Variants in MRC2 observed in about 807,000 individuals in gnomAD.
The protein encoded by MRC2 is mannose receptor C-type 2.
Under a neutral mutation model 206.2 loss-of-function variants are expected in MRC2, and 84 were observed. That is an observed-to-expected ratio of 0.41 (90% CI 0.34 to 0.49). MRC2 has a LOEUF of 0.49. MRC2 is among the 20% of genes least tolerant of loss of function. MRC2 has a pLI of 0.31. For synonymous variants in MRC2, 798 were observed against 800.0 expected, an observed-to-expected ratio of 1.00 and a Z score of 0.04; for missense variants, 1,676 against 2,001.5, an observed-to-expected ratio of 0.84 and a Z score of 3.10.
Position 62,667,352 on chromosome 17 carries a change from C to G in MRC2, c.974-38C>G. 1 of 1,552,744 alleles carries G rather than the reference C, an allele frequency of 6.4e-7. No homozygotes were observed. Among genetic ancestry groups the G allele is most frequent in the Non-Finnish European group, 8.7e-7 (1 of 1,150,920 alleles). ...GCCCCGGGAGCCACGGTGTGAGCTT[C>G]TCTCTCCGGGGGTGCTGGCGCCCTG... On this transcript the variant is annotated intron_variant, in intron 5 of 29. Transcript: ENST00000303375. The surrounding 1 kb of genome is among the most constrained non-coding windows in gnomAD (Gnocchi z 4.1).
intron 1 of MRC2, among the ~76,000 whole-genome samples, chr17:62,638,522 G>A (rs533341379): frequency 2.0e-5 from 3 of 151,414 alleles, no homozygotes; most frequent in East Asian, 2.0e-4. Context: ...GGCGGATCAC[G>A]AGGTCAGGAG....
chr17:62,629,302 C>T (rs1341671911), intron 1 of MRC2, among the ~76,000 whole-genome samples: 2 of 152,200 alleles, frequency 1.3e-5, no homozygotes, highest in East Asian at 3.8e-4. Flanking sequence ...TAAAGCCAGG[C>T]CCTGGGAGAG....
At chr17:62,654,572 T>G (rs1262451535) in intron 1 of MRC2, among the ~76,000 whole-genome samples, 1 of 151,900 alleles carries the variant, frequency 6.6e-6, no homozygotes, top group Non-Finnish European at 1.5e-5. Flanking sequence ...ATGGGCTGAG[T>G]CCGGGGAAAC....
rs372126711 is a variant in MRC2 at position 62,666,573 on chromosome 17, G to C, written c.813G>C (p.Ala271=). Residue 271 remains alanine (A), a synonymous_variant, in exon 4 of 30, where the codon GCG becomes GCC. Coordinates refer to ENST00000303375, the MANE Select transcript of MRC2 (RefSeq NM_006039.5). The surrounding 1 kb of genome is among the most constrained non-coding windows in gnomAD (Gnocchi z 5.0). ...GGGCCAGCTGCGAGCAGCAGGGTGC[G>C]GATCTGCTGAGCATCACGGAGATCC... is the stretch of plus-strand genomic sequence containing the variant. ...EAWASCEQQG[A]DLLSITEIHE... is the part of the protein sequence containing the mutation. The C allele has an allele frequency of 3.7e-6, 6 of 1,609,702 alleles. No homozygotes were observed. Among genetic ancestry groups the C allele is most frequent in the Non-Finnish European group, 4.2e-6 (5 of 1,178,288 alleles).
chr17:62,665,407 C>G (rs1229002047), intron 2 of MRC2, among the ~76,000 whole-genome samples: 1 of 143,628 alleles, frequency 7.0e-6, no homozygotes, highest in Non-Finnish European at 1.5e-5. Context: ...TCTGTCCCCC[C>G]CCCCACAAAA....
Position 62,688,670 on chromosome 17 carries a change from G to A in MRC2, c.3225+6G>A. The stretch of plus-strand genomic sequence containing the variant: ...CTCCCAGTGGCAACAAACCGGTGAG[G>A]ATGCCCTCCCTGTTCCCCTCCGCAC... On this transcript the variant is annotated splice_donor_region_variant and intron_variant, in intron 22 of 29. Coordinates refer to ENST00000303375, the MANE Select transcript of MRC2 (RefSeq NM_006039.5). The A allele has an allele frequency of 6.2e-7, 1 of 1,613,280 alleles. No homozygotes were observed. The highest frequency in any genetic ancestry group is 1.3e-5 in the African/African-American group (1 of 75,070).
At chr17:62,665,347 G>A (rs1418621951) in intron 2 of MRC2, among the ~76,000 whole-genome samples, 1 of 150,798 alleles carries the variant, frequency 6.6e-6, no homozygotes, top group African/African-American at 2.4e-5. Context: ...AGGTTGCACT[G>A]AGCTGAGATT....
At chr17:62,676,231 A>G (rs561217448) in intron 10 of MRC2, 152 bp from the exon 11 acceptor site, 2 of 912,004 alleles carry the variant, frequency 2.2e-6, no homozygotes, top group Admixed American at 5.7e-5. Context: ...GGGGTTCCAT[A>G]AATCAGCTGC....
intron 13 of MRC2, 90 bp from the exon 14 acceptor site, chr17:62,679,710 G>GTCAC: frequency 7.8e-7 from 1 of 1,284,146 alleles, no homozygotes; most frequent in Non-Finnish European, 1.1e-6. Flanking sequence ...GGCTGCCCCG[G>GTCAC]TCACAGCTGC....
Position 62,692,483 on chromosome 17 carries a change from G to A in MRC2, c.*32G>A, listed in dbSNP as rs759726470. The A allele has an allele frequency of 6.5e-6, 10 of 1,528,198 alleles. No individual in the cohort carries two copies. The highest frequency in any genetic ancestry group is 8.8e-6 in the Non-Finnish European group (10 of 1,130,942). The allele number at this position is 1,528,198 out of a possible 1,614,324, so 94.7% of individuals were successfully genotyped here. A position where few individuals can be genotyped will look rare whatever the true frequency, so the allele number is the denominator to read the frequency against. ...GCGCGTGGGCAGGGCCAGGGCGGGA[G>A]GAGCTGGGGAGCTGGGGCCCTGGGT... On this transcript the variant is annotated 3_prime_UTR_variant, in exon 30 of 30. Coordinates refer to ENST00000303375, the MANE Select transcript of MRC2 (RefSeq NM_006039.5). The surrounding 1 kb of genome is among the most constrained non-coding windows in gnomAD (Gnocchi z 4.2).
chr17:62,656,065 T>C (rs536465626), intron 1 of MRC2, among the ~76,000 whole-genome samples: 1 of 152,144 alleles, frequency 6.6e-6, no homozygotes, highest in Non-Finnish European at 1.5e-5. Context: ...AATTTTTTTT[T>C]GAGATGGAAC....
intron 22 of MRC2, 48 bp downstream of exon 22, chr17:62,688,712 T>C: frequency 6.2e-7 from 1 of 1,601,038 alleles, no homozygotes; most frequent in Non-Finnish European, 8.5e-7. Flanking sequence ...GCCCTAAGCC[T>C]GTGGGGCTGC....
In MRC2 at chr17:62,676,372, G is replaced by C; in HGVS notation, c.1686-11G>C. The C allele has an allele frequency of 6.2e-7, 1 of 1,613,614 alleles. No individual in the cohort carries two copies. The highest frequency in any genetic ancestry group is 8.5e-7 in the Non-Finnish European group (1 of 1,179,886). On this transcript the variant is annotated splice_polypyrimidine_tract_variant and intron_variant, in intron 10 of 29. Transcript: ENST00000303375. Reference sequence around the variant, plus strand: ...GGGAGATCCCTGCCCTGACCAGCCTGTCTCCTGAAGGTTCGAGCAGGCCTT... The same window carrying C: ...GGGAGATCCCTGCCCTGACCAGCCTCTCTCCTGAAGGTTCGAGCAGGCCTT...
intron 1 of MRC2, among the ~76,000 whole-genome samples, chr17:62,637,129 G>A (rs2465419): frequency 0.67 from 101,760 of 151,590 alleles, 34,278 homozygotes; most frequent in East Asian, 0.81. Context: ...TTGGGAGGCC[G>A]AGGCAGGCGG....
At chr17:62,655,735 A>AAAG (rs1555676860) in intron 1 of MRC2, among the ~76,000 whole-genome samples, 10 of 151,922 alleles carry the variant, frequency 6.6e-5, no homozygotes, top group African/African-American at 2.4e-4. Context: ...AAAAAAAAAA[A>AAAG]AAAGAAAAAG....
At chr17:62,689,789 C>T in intron 24 of MRC2, 29 bp downstream of exon 24, 3 of 1,530,848 alleles carry the variant, frequency 2.0e-6, no homozygotes, top group Non-Finnish European at 2.6e-6. Context: ...TGCCCTGGGC[C>T]CCAGCCTTGC....
chr17:62,641,470 C>G (rs950738372), intron 1 of MRC2, among the ~76,000 whole-genome samples: 1 of 152,148 alleles, frequency 6.6e-6, no homozygotes, highest in African/African-American at 2.4e-5. Context: ...CAACGGGAAG[C>G]AGCTTTGCAG....
At chr17:62,673,974 G>T in intron 8 of MRC2, 89 bp from the exon 9 acceptor site, 1 of 1,021,444 alleles carries the variant, frequency 9.8e-7, no homozygotes, top group South Asian at 1.5e-5. Flanking sequence ...TCAGAGACAG[G>T]GCCAGCTCTA....
At chr17:62,648,124 C>T (rs1218675651) in intron 1 of MRC2, among the ~76,000 whole-genome samples, 1 of 152,242 alleles carries the variant, frequency 6.6e-6, no homozygotes, top group African/African-American at 2.4e-5. Flanking sequence ...GAAGAACAGG[C>T]CGGGCATAGT....
Sources: allele counts gnomAD v4.1 joint callset (sites outside exome capture counted in the v4.1 genomes callset), GRCh38; gene constraint gnomAD v4.1.1; non-coding constraint Gnocchi (gnomAD v3.1); transcripts MANE v1.5; gene names NCBI Gene and HGNC (gene_info 2026-07-23, HGNC 2026-07-21).